Variants in SORL1 observed in about 807,000 individuals in gnomAD.
SORL1 encodes the protein sortilin-related receptor.
In SORL1, 127 loss-of-function variants were observed where a neutral mutation model predicts 273.7. That is an observed-to-expected ratio of 0.46 (90% CI 0.40 to 0.54). The LOEUF is 0.54. SORL1 is among the 20% of genes least tolerant of loss of function. SORL1 has a pLI of 0.00. For synonymous variants in SORL1, 1,031 were observed against 1,067.4 expected (o/e 0.97, Z 0.66); for missense variants, 2,494 against 2,846.1 (o/e 0.88, Z 2.81).
chr11:121,625,414 G>C (rs903852901), intron 46 of SORL1, 137 bp downstream of exon 46: 1 of 705,122 alleles, frequency 1.4e-6, no homozygotes, highest in Non-Finnish European at 2.3e-6. Context: ...TTATATATCA[G>C]TTTGGTCAGG....
chr11:121,617,373 C>T (rs908014949), intron 41 of SORL1, among the ~76,000 whole-genome samples: 1 of 152,132 alleles, frequency 6.6e-6, no homozygotes, highest in African/African-American at 2.4e-5. Context: ...TAATGTTATG[C>T]CAGAGTCAAC....
At chr11:121,565,483 G>A (rs985414353) in intron 21 of SORL1, among the ~76,000 whole-genome samples, 7 of 152,198 alleles carry the variant, frequency 4.6e-5, no homozygotes, top group African/African-American at 1.4e-4. Context: ...CGTCTAACCT[G>A]TAGGCCAGGA....
intron 25 of SORL1, among the ~76,000 whole-genome samples, chr11:121,579,738 G>A (rs765558373): frequency 1.4e-4 from 22 of 152,126 alleles, no homozygotes; most frequent in Non-Finnish European, 3.1e-4. Context: ...AAACTTCACT[G>A]TTACTCTTTT....
chr11:121,604,553 AT>A (rs11288922), intron 33 of SORL1, among the ~76,000 whole-genome samples: 72,589 of 148,562 alleles, frequency 0.49, 19,175 homozygotes, highest in Non-Finnish European at 0.62. Context: ...CTAGTCTTGG[AT>A]TTTTTTTTTT....
Position 121,554,351 on chromosome 11 carries a change from T to C in SORL1, c.2439+242T>C, listed in dbSNP as rs1289928563. On this transcript the variant is annotated intron_variant, in intron 17 of 47. Coordinates refer to ENST00000260197, the MANE Select transcript of SORL1 (RefSeq NM_003105.6). This position sits in a 1 kb window ranked among gnomAD's most constrained non-coding sequence, Gnocchi z 4.6. ...TCCACAGACCTGCTTGAAAGTGAGG[T>C]CTTGCTTTTCCTGCTGGGAAGGTGT... 1.3e-5 allele frequency among the ~76,000 whole-genome samples: 2 copies of C among 152,082 alleles called. No homozygotes were observed.
At position 121,595,166 on chromosome 11, in the gene SORL1, T is replaced by G. The variant is rs1197371912; in HGVS notation, c.4370-457T>G. ...TAGGAGGGGATATAAGGAATGTAGC[T>G]GCGTCTTAAACATCATTCAGTCAGT... On this transcript the variant is annotated intron_variant, in intron 31 of 47. Transcript: ENST00000260197. The surrounding 1 kb of genome is among the most constrained non-coding windows in gnomAD (Gnocchi z 5.1). Among the ~76,000 whole-genome samples, 1 of 152,238 alleles carries G rather than the reference T, an allele frequency of 6.6e-6. No homozygotes were observed. Among genetic ancestry groups the G allele is most frequent in the Non-Finnish European group, 1.5e-5 (1 of 68,038 alleles).
rs763895362 is a variant in SORL1 at position 121,631,297 on chromosome 11, A to G, written c.*1734A>G. ...TGCCATACGGGTAGGACTGTATTTC[A>G]TGTTAACAACTGGTGGTAATGATAA... On this transcript the variant is annotated 3_prime_UTR_variant, in exon 48 of 48. Coordinates refer to ENST00000260197, the MANE Select transcript of SORL1 (RefSeq NM_003105.6). 2.0e-5 allele frequency: 3 copies of G among 151,954 alleles called. No individual in the cohort carries two copies. Among genetic ancestry groups the G allele is most frequent in the Non-Finnish European group, 4.4e-5 (3 of 67,998 alleles). 9.4% of individuals were successfully genotyped at this position (151,954 alleles called of 1,614,324 possible).
chr11:121,525,005 C>A (rs1159732986), intron 11 of SORL1, among the ~76,000 whole-genome samples: 1 of 152,292 alleles, frequency 6.6e-6, no homozygotes, highest in East Asian at 1.9e-4. Flanking sequence ...CAGTACACTG[C>A]ACATATTTAA....
chr11:121,614,755 G>A (rs984338196), intron 40 of SORL1, 116 bp from the exon 41 acceptor site: 8 of 772,892 alleles, frequency 1.0e-5, no homozygotes, highest in Non-Finnish European at 1.8e-5. Context: ...ACAGCACATG[G>A]GACTCATTTA....
At position 121,550,799 on chromosome 11, in the gene SORL1, C is replaced by A; in HGVS notation, c.2266+129C>A. 2.9e-6 allele frequency: 2 copies of A among 686,094 alleles called. No homozygotes were observed. Among genetic ancestry groups the A allele is most frequent in the East Asian group, 2.8e-5 (1 of 36,226 alleles). 42.5% of individuals were successfully genotyped at this position (686,094 alleles called of 1,614,324 possible). A position where few individuals can be genotyped will look rare whatever the true frequency, so the allele number is the denominator to read the frequency against. On this transcript the variant is annotated intron_variant, in intron 16 of 47. Transcript: ENST00000260197. The surrounding 1 kb of genome is among the most constrained non-coding windows in gnomAD (Gnocchi z 5.3). Reference sequence around the variant, plus strand: ...AAAACAATGGCCGTCACAAGCATCACAGGGCTTCCTCTTTTCCCTAAGGTT... The same window carrying A: ...AAAACAATGGCCGTCACAAGCATCAAAGGGCTTCCTCTTTTCCCTAAGGTT...
At chr11:121,592,425 A>G (rs1863230310) in intron 31 of SORL1, among the ~76,000 whole-genome samples, 1 of 152,362 alleles carries the variant, frequency 6.6e-6, no homozygotes, top group Non-Finnish European at 1.5e-5. Flanking sequence ...TAGGTTCACA[A>G]AAGTTTGGGA....
chr11:121,622,740 C>T (rs1863741377), intron 45 of SORL1, among the ~76,000 whole-genome samples: 1 of 152,210 alleles, frequency 6.6e-6, no homozygotes, highest in African/African-American at 2.4e-5. Flanking sequence ...ACTGTGCTAA[C>T]TTATGAAGAA....
chr11:121,506,575 C>T (rs551342476), intron 6 of SORL1, among the ~76,000 whole-genome samples: 5 of 152,202 alleles, frequency 3.3e-5, no homozygotes, highest in African/African-American at 9.6e-5. Flanking sequence ...GTTCAGTTAC[C>T]TCCCACCTGG....
intron 12 of SORL1, among the ~76,000 whole-genome samples, chr11:121,534,920 AT>A (rs1481256124): frequency 5.3e-5 from 8 of 152,184 alleles, no homozygotes; most frequent in Non-Finnish European, 1.2e-4. Flanking sequence ...GGCATTGATC[AT>A]ATTCTGACTC....
At chr11:121,566,850 C>G (rs1309310376) in intron 21 of SORL1, 90 bp from the exon 22 acceptor site, 7 of 1,237,614 alleles carry the variant, frequency 5.7e-6, no homozygotes, top group Non-Finnish European at 6.7e-6. Context: ...TTCCGTAAGA[C>G]GAGGAGGTTG....
intron 5 of SORL1, among the ~76,000 whole-genome samples, chr11:121,494,356 A>T (rs917232186): frequency 6.6e-6 from 1 of 152,182 alleles, no homozygotes; most frequent in African/African-American, 2.4e-5. Context: ...AATGATATAC[A>T]TTTGTTCAAC....
chr11:121,501,262 T>C (rs1224020118), intron 6 of SORL1, among the ~76,000 whole-genome samples: 1 of 152,208 alleles, frequency 6.6e-6, no homozygotes, highest in Non-Finnish European at 1.5e-5. Flanking sequence ...CCTTTTTAAG[T>C]GTGCAATTTA....
chr11:121,558,854 C>T lies in SORL1; in HGVS notation c.2910+17C>T, dbSNP rs1418715806. 3 of 1,613,566 alleles carry T rather than the reference C, an allele frequency of 1.9e-6. No homozygotes were observed. The Admixed American group carries it at 5.0e-5, about 27-fold the overall frequency. ...GTCTTTAAGGTGAGTCCATTTGTTG[C>T]TGCCGGACAGTCTGCTAGAGCGGGT... On this transcript the variant is annotated intron_variant, in intron 20 of 47. Transcript: ENST00000260197.
intron 35 of SORL1, among the ~76,000 whole-genome samples, chr11:121,606,067 T>A (rs1863468448): frequency 6.6e-6 from 1 of 152,140 alleles, no homozygotes; most frequent in Admixed American, 6.5e-5. Context: ...AGACTATAGG[T>A]GTGTGCCACC....
Sources: gnomAD v4.1 joint callset for allele counts (sites outside exome capture counted in the v4.1 genomes callset) on GRCh38, gnomAD v4.1.1 for gene constraint, Gnocchi (gnomAD v3.1) non-coding constraint, MANE v1.5 for transcripts, NCBI Gene and HGNC (gene_info 2026-07-23, HGNC 2026-07-21) for gene names.